The following TAS2R7 variants were observed in gnomAD, a reference collection of about 807,000 sequenced individuals.
The protein encoded by TAS2R7 is taste 2 receptor member 7, also known as taste receptor type 2 member 7.
For missense variants in TAS2R7, 403 were observed against 366.0 expected (o/e 1.10, Z -0.82); for synonymous variants, 159 against 138.8 (o/e 1.15, Z -1.02).
rs770521205 is a variant in TAS2R7 at position 10,802,366 on chromosome 12, A to G, written c.205T>C (p.Leu69=). The change falls in exon 1 of 1, where the codon TTG becomes CTG. Residue 69 remains leucine (L), a synonymous_variant. Coordinates refer to ENST00000240687, the MANE Select transcript of TAS2R7 (RefSeq NM_023919.2). ...GCATAGACATCTGGATATAGCACCA[A>G]TATAAAACAATCTAATAGTATTACG... is the stretch of plus-strand genomic sequence containing the variant. ...LCVILLDCFI[L]VLYPDVYATG... is the part of the protein sequence containing the mutation. 6.8e-6 allele frequency: 11 copies of G among 1,614,034 alleles called. No homozygotes were observed. Among genetic ancestry groups the G allele is most frequent in the Non-Finnish European group, 9.3e-6 (11 of 1,179,962 alleles).
rs758058774 is a variant in TAS2R7, at chr12:10,801,949, G to A, written c.622C>T (p.Leu208=). Residue 208 remains leucine (L), a synonymous_variant, in exon 1 of 1, where the codon CTG becomes TTG. Coordinates refer to ENST00000240687, the MANE Select transcript of TAS2R7 (RefSeq NM_023919.2). Reference sequence around the variant, plus strand: ...TGCATTCGCCTGATATGTCTCCGCAGGGAGAGGATCAAGAGGAAAAAGGAC... The same window carrying A: ...TGCATTCGCCTGATATGTCTCCGCAAGGAGAGGATCAAGAGGAAAAAGGAC... ...LMSFFLLILS[L]RRHIRRMQLS... 6.2e-7 allele frequency: 1 copy of A among 1,613,822 alleles called. No individual in the cohort carries two copies. Among genetic ancestry groups the A allele is most frequent in the Admixed American group, 1.7e-5 (1 of 59,898 alleles).
At position 10,801,924 on chromosome 12, in the gene TAS2R7, T is replaced by A. The variant is rs777776428; in HGVS notation, c.647A>T (p.Gln216Leu). 6.2e-7 allele frequency: 1 copy of A among 1,613,860 alleles called. No individual in the cohort carries two copies. Among genetic ancestry groups the A allele is most frequent in the Non-Finnish European group, 8.5e-7 (1 of 1,180,004 alleles). The change falls in exon 1 of 1, where the codon CAG becomes CTG. Residue 216 changes from glutamine (Q) to leucine (L), a missense_variant. Transcript: ENST00000240687. ...GTCTCTGCACCCTGTGGCACTGAGC[T>A]GCATTCGCCTGATATGTCTCCGCAG... Reference protein sequence around the residue: ...LSLRRHIRRMQLSATGCRDPS... With the variant: ...LSLRRHIRRMLLSATGCRDPS...
Position 10,802,225 on chromosome 12 carries a change from G to GA in TAS2R7, c.345dup (p.His116SerfsTer12). ...CACTTCATCCAGAGGAAAAGTGGGT[G>GA]AAAGAAATTACCTATCTTGAAGAAA... On this transcript the variant is annotated frameshift_variant, in exon 1 of 1. Coordinates refer to ENST00000240687, the MANE Select transcript of TAS2R7 (RefSeq NM_023919.2). LOFTEE classifies it low-confidence loss of function (END_TRUNC). 1 of 1,613,716 alleles carries GA rather than the reference G, an allele frequency of 6.2e-7. No individual in the cohort carries two copies. The highest frequency in any genetic ancestry group is 8.5e-7 in the Non-Finnish European group (1 of 1,179,850).
In TAS2R7 at chr12:10,801,755, G is replaced by A. The variant is rs1179178101; in HGVS notation, c.816C>T (p.Ser272=). Residue 272 remains serine, a synonymous_variant, in exon 1 of 1, where the codon TCC becomes TCT. Transcript: ENST00000240687. ...GACTTGAGGGGTAGATTAGAGCTATGGACTCACCAAAAATCACAGCTAATT... is the reference window on the plus strand; with the variant it reads ...GACTTGAGGGGTAGATTAGAGCTATAGACTCACCAAAAATCACAGCTAATT... ...ETELAVIFGE[S]IALIYPSSHS... is the part of the protein sequence containing the mutation. The A allele has an allele frequency of 1.9e-6, 3 of 1,613,838 alleles. No individual in the cohort carries two copies. In the African/African-American group the frequency reaches 4.0e-5, roughly 22 times the overall value.
chr12:10,801,987 C>G lies in TAS2R7; in HGVS notation c.584G>C (p.Cys195Ser). 1 of 1,613,850 alleles carries G rather than the reference C, an allele frequency of 6.2e-7. No individual in the cohort carries two copies. Among genetic ancestry groups the G allele is most frequent in the Non-Finnish European group, 8.5e-7 (1 of 1,179,930 alleles). ...GAGGAAAAAGGACATTAGGCACACA[C>G]AAAAGGGGAGCAGCGTTGCCAGGTT... ...FLNLATLLPF[C>S]VCLMSFFLLI... Residue 195 changes from cysteine to serine, a missense_variant, in exon 1 of 1, where the codon TGT becomes TCT. Physicochemically the swap from Cys to Ser is moderately radical, Grantham distance 112. Coordinates refer to ENST00000240687, the MANE Select transcript of TAS2R7 (RefSeq NM_023919.2).
Position 10,802,616 on chromosome 12 carries a change from A to G in TAS2R7, c.-46T>C. The G allele has an allele frequency of 6.7e-7, 1 of 1,482,986 alleles. No individual in the cohort carries two copies. The highest frequency in any genetic ancestry group is 1.4e-5 in the African/African-American group (1 of 71,598). The allele number at this position is 1,482,986 out of a possible 1,614,324, so 91.9% of individuals were successfully genotyped here. A position where few individuals can be genotyped will look rare whatever the true frequency, so the allele number is the denominator to read the frequency against. ...TCTAGTTGACCTGATGGAGTTTGAC[A>G]TCCACACCTGCTTCTTAGATTTTGA... On this transcript the variant is annotated 5_prime_UTR_variant, in exon 1 of 1. The change abolishes an upstream ATG in the 5' untranslated region. Coordinates refer to ENST00000240687, the MANE Select transcript of TAS2R7 (RefSeq NM_023919.2).
At position 10,801,922 on chromosome 12, in the gene TAS2R7, G is replaced by A; in HGVS notation, c.649C>T (p.Leu217Phe). ...GGGTCTCTGCACCCTGTGGCACTGA[G>A]CTGCATTCGCCTGATATGTCTCCGC... ...SLRRHIRRMQ[L>F]SATGCRDPST... is the part of the protein sequence containing the mutation. Residue 217 changes from leucine to phenylalanine, a missense_variant, in exon 1 of 1, where the codon CTC becomes TTC. Leu to Phe is a conservative substitution (Grantham distance 22). Coordinates refer to ENST00000240687, the MANE Select transcript of TAS2R7 (RefSeq NM_023919.2). The A allele has an allele frequency of 6.2e-7, 1 of 1,613,968 alleles. No individual in the cohort carries two copies. Among genetic ancestry groups the A allele is most frequent in the Non-Finnish European group, 8.5e-7 (1 of 1,179,984 alleles).
In TAS2R7 at chr12:10,802,094, A is replaced by G. The variant is rs148383578; in HGVS notation, c.477T>C (p.Cys159=). ...AGTTTGTTTTCCTCTTTGCCTTCAC[A>G]CAAAACCTGAAATCAGCGTTCAAAT... ...TENLNADFRF[C]VKAKRKTNLT... Residue 159 remains cysteine, a synonymous_variant, in exon 1 of 1, where the codon TGT becomes TGC. Coordinates refer to ENST00000240687, the MANE Select transcript of TAS2R7 (RefSeq NM_023919.2). The G allele has an allele frequency of 3.1e-6, 5 of 1,613,820 alleles. No individual in the cohort carries two copies. The highest frequency in any genetic ancestry group is 1.3e-5 in the African/African-American group (1 of 74,928).
rs758766685 is a variant in TAS2R7, at chr12:10,801,709, C to T, written c.862G>A (p.Gly288Arg). 1.9e-6 allele frequency: 3 copies of T among 1,613,544 alleles called. No individual in the cohort carries two copies. Among genetic ancestry groups the T allele is most frequent in the South Asian group, 2.2e-5 (2 of 91,064 alleles). The change falls in exon 1 of 1, where the codon GGG becomes AGG. Residue 288 changes from glycine to arginine, a missense_variant. Coordinates refer to ENST00000240687, the MANE Select transcript of TAS2R7 (RefSeq NM_023919.2). ...PSSHSFILIL[G>R]NNKLRHASLK... Reference sequence around the variant, plus strand: ...GATGCATGTCTTAATTTATTGTTCCCCAGTATTAGGATAAATGAATGACTT... The same window carrying T: ...GATGCATGTCTTAATTTATTGTTCCTCAGTATTAGGATAAATGAATGACTT...
chr12:10,801,574 C>T lies in TAS2R7; in HGVS notation c.*40G>A. 1 of 1,286,090 alleles carries T rather than the reference C, an allele frequency of 7.8e-7. No individual in the cohort carries two copies. The highest frequency in any genetic ancestry group is 1.1e-6 in the Non-Finnish European group (1 of 921,336). The allele number at this position is 1,286,090 out of a possible 1,614,324, so 79.7% of individuals were successfully genotyped here. A position where few individuals can be genotyped will look rare whatever the true frequency, so the allele number is the denominator to read the frequency against. On this transcript the variant is annotated 3_prime_UTR_variant, in exon 1 of 1. Transcript: ENST00000240687. ...GCAAGAACTGAAGTTAATTTAGAAA[C>T]ATCTTATCTTTGTTTGTCCTAGAAA...
chr12:10,801,869 C>G lies in TAS2R7; in HGVS notation c.702G>C (p.Leu234=). 6.2e-7 allele frequency: 1 copy of G among 1,613,898 alleles called. No individual in the cohort carries two copies. Among genetic ancestry groups the G allele is most frequent in the South Asian group, 1.1e-5 (1 of 91,074 alleles). The change falls in exon 1 of 1, where the codon CTG becomes CTC. Residue 234 remains leucine, a synonymous_variant. Transcript: ENST00000240687. ...GGAGAAGGAAGGAAATGACAGCTTTCAGGGCTCTCACATGGGCTTCTGTGC... is the reference window on the plus strand; with the variant it reads ...GGAGAAGGAAGGAAATGACAGCTTTGAGGGCTCTCACATGGGCTTCTGTGC... ...DPSTEAHVRA[L]KAVISFLLLF...
chr12:10,802,541 C>T lies in TAS2R7; in HGVS notation c.30G>A (p.Leu10=), dbSNP rs748145463. 6.2e-7 allele frequency: 1 copy of T among 1,613,780 alleles called. No homozygotes were observed. The highest frequency in any genetic ancestry group is 1.3e-5 in the African/African-American group (1 of 75,026). ...CTGAAAACTCTCCAACTGCTAAGAACAATAAAGTAGTCTGCACTTTATCTG... is the reference window on the plus strand; with the variant it reads ...CTGAAAACTCTCCAACTGCTAAGAATAATAAAGTAGTCTGCACTTTATCTG... MADKVQTTL[L]FLAVGEFSVG... Residue 10 remains leucine (L), a synonymous_variant, in exon 1 of 1, where the codon TTG becomes TTA. Transcript: ENST00000240687.
Position 10,802,013 on chromosome 12 carries a change from G to A in TAS2R7, c.558C>T (p.Leu186=). ...AAAAGGGGAGCAGCGTTGCCAGGTT[G>A]AGAAATAACTTGGTAGAAGCATGTT... ...KTQHASTKLF[L]NLATLLPFCV... The change falls in exon 1 of 1, where the codon CTC becomes CTT. Residue 186 remains leucine, a synonymous_variant. Coordinates refer to ENST00000240687, the MANE Select transcript of TAS2R7 (RefSeq NM_023919.2). The A allele has an allele frequency of 6.2e-7, 1 of 1,613,882 alleles. No homozygotes were observed. Among genetic ancestry groups the A allele is most frequent in the Non-Finnish European group, 8.5e-7 (1 of 1,179,940 alleles).
rs748426029 is a variant in TAS2R7 at position 10,802,049 on chromosome 12, T to C, written c.522A>G (p.Val174=). ...RKTNLTWSCR[V]NKTQHASTKL... ...TGGTAGAAGCATGTTGAGTTTTATT[T>C]ACTCTGCAACTCCAAGTTAAGTTTG... Residue 174 remains valine (V), a synonymous_variant, in exon 1 of 1, where the codon GTA becomes GTG. Coordinates refer to ENST00000240687, the MANE Select transcript of TAS2R7 (RefSeq NM_023919.2). 2 of 1,613,964 alleles carry C rather than the reference T, an allele frequency of 1.2e-6. No homozygotes were observed. Among genetic ancestry groups the C allele is most frequent in the African/African-American group, 2.7e-5 (2 of 75,046 alleles).
At position 10,802,457 on chromosome 12, in the gene TAS2R7, C is replaced by T. The variant is rs964163001; in HGVS notation, c.114G>A (p.Lys38=). Residue 38 remains lysine, a synonymous_variant, in exon 1 of 1, where the codon AAG becomes AAA. Transcript: ENST00000240687. ...TTAAATCAATGGAGGCAATTTTCCTCTTCTTGACCCAGTCCATGCAGTTTA... is the reference window on the plus strand; with the variant it reads ...TTAAATCAATGGAGGCAATTTTCCTTTTCTTGACCCAGTCCATGCAGTTTA... The part of the protein sequence containing the change: ...GLVNCMDWVK[K]RKIASIDLIL... 6.2e-7 allele frequency: 1 copy of T among 1,614,044 alleles called. No individual in the cohort carries two copies. The highest frequency in any genetic ancestry group is 1.3e-5 in the African/African-American group (1 of 75,036).
rs768078511 is a variant in TAS2R7 at position 10,801,891 on chromosome 12, G to T, written c.680C>A (p.Thr227Lys). 2 of 1,613,878 alleles carry T rather than the reference G, an allele frequency of 1.2e-6. No individual in the cohort carries two copies. The highest frequency in any genetic ancestry group is 1.7e-6 in the Non-Finnish European group (2 of 1,180,008). The change falls in exon 1 of 1, where the codon ACA (threonine) becomes AAA (lysine). Residue 227 changes from threonine to lysine, a missense_variant. By Grantham distance (78) the Thr-to-Lys change is moderately conservative (BLOSUM62 -1). Coordinates refer to ENST00000240687, the MANE Select transcript of TAS2R7 (RefSeq NM_023919.2). ...TTTCAGGGCTCTCACATGGGCTTCT[G>T]TGCTGGGGTCTCTGCACCCTGTGGC... Reference protein sequence around the residue: ...LSATGCRDPSTEAHVRALKAV... With the variant: ...LSATGCRDPSKEAHVRALKAV...
rs749889512 is a variant in TAS2R7, at chr12:10,801,729, T to G, written c.842A>C (p.His281Pro). ...GTTCCCCAGTATTAGGATAAATGAATGACTTGAGGGGTAGATTAGAGCTAT... is the reference window on the plus strand; with the variant it reads ...GTTCCCCAGTATTAGGATAAATGAAGGACTTGAGGGGTAGATTAGAGCTAT... The part of the protein sequence containing the change: ...ESIALIYPSS[H>P]SFILILGNNK... The change falls in exon 1 of 1, where the codon CAT becomes CCT. Residue 281 changes from histidine (H) to proline (P), a missense_variant. His to Pro is a moderately conservative substitution (Grantham distance 77, BLOSUM62 -2). Coordinates refer to ENST00000240687, the MANE Select transcript of TAS2R7 (RefSeq NM_023919.2). 5.0e-6 allele frequency: 8 copies of G among 1,613,744 alleles called. No individual in the cohort carries two copies. The highest frequency in any genetic ancestry group is 5.1e-6 in the Non-Finnish European group (6 of 1,179,802).
rs777078832 is a variant in TAS2R7 at position 10,802,363 on chromosome 12, C to T, written c.208G>A (p.Val70Met). ...GTGGCATAGACATCTGGATATAGCA[C>T]CAATATAAAACAATCTAATAGTATT... Reference protein sequence around the residue: ...CVILLDCFILVLYPDVYATGK... With the variant: ...CVILLDCFILMLYPDVYATGK... Residue 70 changes from valine (V) to methionine (M), a missense_variant, in exon 1 of 1, where the codon GTG becomes ATG. Val to Met is a conservative substitution (Grantham distance 21). Coordinates refer to ENST00000240687, the MANE Select transcript of TAS2R7 (RefSeq NM_023919.2). The T allele has an allele frequency of 1.1e-5, 17 of 1,613,950 alleles. No homozygotes were observed. In the East Asian group the frequency reaches 3.6e-4, roughly 34 times the overall value.
In TAS2R7 at chr12:10,802,041, G is replaced by A; in HGVS notation, c.530C>T (p.Thr177Ile). Residue 177 changes from threonine (T) to isoleucine (I), a missense_variant, in exon 1 of 1, where the codon ACT becomes ATT. Transcript: ENST00000240687. ...AAATAACTTGGTAGAAGCATGTTGA[G>A]TTTTATTTACTCTGCAACTCCAAGT... ...NLTWSCRVNKTQHASTKLFLN... is the reference protein window; with the variant it reads ...NLTWSCRVNKIQHASTKLFLN... 2 of 1,613,912 alleles carry A rather than the reference G, an allele frequency of 1.2e-6. No individual in the cohort carries two copies. Among genetic ancestry groups the A allele is most frequent in the Non-Finnish European group, 8.5e-7 (1 of 1,179,954 alleles).
Sources: allele counts gnomAD v4.1 joint callset, GRCh38; gene constraint gnomAD v4.1.1; transcripts MANE v1.5; gene names NCBI Gene and HGNC (gene_info 2026-07-23, HGNC 2026-07-21).